ABLIM2: variants seen among roughly 807,000 people sequenced by gnomAD.
The protein encoded by ABLIM2 is actin-binding LIM protein 2.
ABLIM2 carries 53 observed loss-of-function variants against 97.7 expected under a neutral mutation model. That is an observed-to-expected ratio of 0.54 (90% CI 0.44 to 0.68). The LOEUF is 0.68. Ranked by LOEUF, ABLIM2 falls within the 30% of genes least tolerant of loss-of-function variation. The pLI, the probability that ABLIM2 is intolerant of heterozygous loss-of-function variation, is 0.00. For synonymous variants in ABLIM2, 361 were observed against 345.8 expected (o/e 1.04, Z -0.49); for missense variants, 835 against 867.2 (o/e 0.96, Z 0.47).
chr4:8,007,762 C>T (rs1440026161), intron 16 of ABLIM2: 5 of 1,167,498 alleles, frequency 4.3e-6, no homozygotes, highest in Non-Finnish European at 5.3e-6. Context: ...CGCCTTTCTC[C>T]TAAACAGCCC....
intron 1 of ABLIM2, among the ~76,000 whole-genome samples, chr4:8,153,220 G>T (rs979835251): frequency 6.6e-6 from 1 of 152,136 alleles, no homozygotes; most frequent in Non-Finnish European, 1.5e-5. Context: ...CCAGGGTGCG[G>T]GCCAGGCAGC....
At position 8,150,399 on chromosome 4, in the gene ABLIM2, T is replaced by G. The variant is rs571781902; in HGVS notation, c.10+8281A>C. On this transcript the variant is annotated intron_variant, in intron 1 of 20. Transcript: ENST00000447017. The surrounding 1 kb of genome is among the most constrained non-coding windows in gnomAD (Gnocchi z 6.3). ...AATGCCTCCTCTCATTCTACCTGAG[T>G]GGCTTTCAGGGGAGCCAGTACAAGG... 2.6e-5 allele frequency among the ~76,000 whole-genome samples: 4 copies of G among 152,246 alleles called. No individual in the cohort carries two copies. In the East Asian group the frequency reaches 7.7e-4, roughly 29 times the overall value.
rs1433735449 is a variant in ABLIM2, at chr4:8,130,366, T to G, written c.11-23729A>C. On this transcript the variant is annotated intron_variant, in intron 1 of 20. Coordinates refer to ENST00000447017, the MANE Select transcript of ABLIM2 (RefSeq NM_001130083.2). This position sits in a 1 kb window ranked among gnomAD's most constrained non-coding sequence, Gnocchi z 4.2. ...CTCTGTAATGTTCAGGAGAGGGCCA[T>G]GTGGAGAGGTTGGCCTTCTGAGTCC... Among the ~76,000 whole-genome samples, 1 of 152,146 alleles carries G rather than the reference T, an allele frequency of 6.6e-6. No individual in the cohort carries two copies.
Position 8,128,927 on chromosome 4 carries a change from C to T in ABLIM2, c.11-22290G>A, listed in dbSNP as rs1459277512. Among the ~76,000 whole-genome samples, 1 of 152,186 alleles carries T rather than the reference C, an allele frequency of 6.6e-6. No homozygotes were observed. Among genetic ancestry groups the T allele is most frequent in the African/African-American group, 2.4e-5 (1 of 41,458 alleles). On this transcript the variant is annotated intron_variant, in intron 1 of 20. Transcript: ENST00000447017. The surrounding 1 kb of genome is among the most constrained non-coding windows in gnomAD (Gnocchi z 4.9). The stretch of plus-strand genomic sequence containing the variant: ...TGCTGGCACTCTGATCTTGGACTTC[C>T]AGCCTCCAGAACTGAGAAAAATAAA...
chr4:8,009,308 G>A (rs989968423), intron 14 of ABLIM2, among the ~76,000 whole-genome samples: 1 of 152,170 alleles, frequency 6.6e-6, no homozygotes, highest in Non-Finnish European at 1.5e-5. Flanking sequence ...CAGCAGCAGG[G>A]GTGTGAAGTG....
At chr4:8,007,692 G>T (rs1390469217) in intron 16 of ABLIM2, 1 of 1,034,390 alleles carries the variant, frequency 9.7e-7, no homozygotes, top group South Asian at 4.1e-5. Context: ...CTCATCAGCC[G>T]GACCATGCCC....
chr4:8,071,693 A>ACCCCCC lies in ABLIM2; in HGVS notation c.675+5934_675+5935insGGGGGG. ...ACACCTGACTGCTCTGTCCCCAAAA[A>ACCCCCC]CCCACCCACCCGCAGCCCCTCCTGG... On this transcript the variant is annotated intron_variant, in intron 6 of 20. Transcript: ENST00000447017. This position sits in a 1 kb window ranked among gnomAD's most constrained non-coding sequence, Gnocchi z 6.2. 4.9e-6 allele frequency: 4 copies of ACCCCCC among 819,830 alleles called. No homozygotes were observed. The highest frequency in any genetic ancestry group is 1.3e-4 in the East Asian group (1 of 7,960). 50.8% of individuals were successfully genotyped at this position (819,830 alleles called of 1,614,324 possible).
rs1241315474 is a variant in ABLIM2 at position 8,132,450 on chromosome 4, C to A, written c.11-25813G>T. ...TTGTAAAACTTAGGTTTAGAGGGAT[C>A]TGAGACCATCCAGTCCCTGGAGAAG... On this transcript the variant is annotated intron_variant, in intron 1 of 20. Coordinates refer to ENST00000447017, the MANE Select transcript of ABLIM2 (RefSeq NM_001130083.2). This position sits in a 1 kb window ranked among gnomAD's most constrained non-coding sequence, Gnocchi z 8.0. 6.6e-6 allele frequency among the ~76,000 whole-genome samples: 1 copy of A among 152,292 alleles called. No homozygotes were observed. The highest frequency in any genetic ancestry group is 1.5e-5 in the Non-Finnish European group (1 of 68,010).
intron 8 of ABLIM2, among the ~76,000 whole-genome samples, chr4:8,050,272 C>T (rs1020871966): frequency 6.6e-6 from 1 of 152,218 alleles, no homozygotes; most frequent in Non-Finnish European, 1.5e-5. Flanking sequence ...TACAGTTTCA[C>T]TCTTTCCGTG....
chr4:7,982,129 C>T (rs13109914), intron 20 of ABLIM2, among the ~76,000 whole-genome samples: 125 of 131,118 alleles, frequency 9.5e-4, no homozygotes, highest in African/African-American at 3.0e-3. Context: ...GCTGCATCCA[C>T]GCCCCTCCAA....
At position 8,127,342 on chromosome 4, in the gene ABLIM2, T is replaced by C. The variant is rs183526205; in HGVS notation, c.11-20705A>G. Among the ~76,000 whole-genome samples, 8 of 152,192 alleles carry C rather than the reference T, an allele frequency of 5.3e-5. No homozygotes were observed. The highest frequency in any genetic ancestry group is 1.9e-4 in the African/African-American group (8 of 41,532). On this transcript the variant is annotated intron_variant, in intron 1 of 20. Transcript: ENST00000447017. The surrounding 1 kb of genome is among the most constrained non-coding windows in gnomAD (Gnocchi z 7.3). The stretch of plus-strand genomic sequence containing the variant: ...CCCACAGTGCTGTCCATAGAGAGTG[T>C]CCCCGAAGCCTGCACCCACTGGCGC...
chr4:7,989,666 A>G (rs1462046712), intron 17 of ABLIM2, among the ~76,000 whole-genome samples: 1 of 152,228 alleles, frequency 6.6e-6, no homozygotes, highest in Non-Finnish European at 1.5e-5. Context: ...CTTTAAAAGT[A>G]GTTTTTAAGT....
In ABLIM2 at chr4:7,970,522, G is replaced by A. The variant is rs567035676; in HGVS notation, c.1825-3419C>T. ...CAGGCGTGCCCCGCATGCTGGGGAA[G>A]GAGAGAAGGGCAGGCTTGAGGATGA... On this transcript the variant is annotated intron_variant, in intron 20 of 20. Transcript: ENST00000447017. This position sits in a 1 kb window ranked among gnomAD's most constrained non-coding sequence, Gnocchi z 5.3. Among the ~76,000 whole-genome samples the A allele has an allele frequency of 3.3e-5, 5 of 151,986 alleles. No individual in the cohort carries two copies. The South Asian group carries it at 1.0e-3, about 32-fold the overall frequency.
intron 5 of ABLIM2, among the ~76,000 whole-genome samples, chr4:8,079,190 G>A (rs1203165902): frequency 6.6e-6 from 1 of 152,234 alleles, no homozygotes; most frequent in East Asian, 1.9e-4. Context: ...CATACAATGA[G>A]TCCTCAGGCT....
chr4:8,104,183 C>A (rs1836035169), intron 2 of ABLIM2, among the ~76,000 whole-genome samples: 3 of 152,222 alleles, frequency 2.0e-5, no homozygotes. Flanking sequence ...AGGTGGACCA[C>A]CTGCTTGTTT....
chr4:8,034,163 C>A (rs1021830734), intron 10 of ABLIM2, among the ~76,000 whole-genome samples: 1 of 152,188 alleles, frequency 6.6e-6, no homozygotes, highest in Non-Finnish European at 1.5e-5. Context: ...CGAGTCCTCA[C>A]GGACTCTCTT....
intron 6 of ABLIM2, among the ~76,000 whole-genome samples, chr4:8,076,458 C>G (rs1816069491): frequency 6.6e-6 from 1 of 152,118 alleles, no homozygotes; most frequent in Non-Finnish European, 1.5e-5. Flanking sequence ...CTCTAAAACT[C>G]CAATGTGGCC....
At chr4:8,092,184 G>T (rs1230749084) in intron 3 of ABLIM2, among the ~76,000 whole-genome samples, 1 of 151,542 alleles carries the variant, frequency 6.6e-6, no homozygotes, top group Non-Finnish European at 1.5e-5. Flanking sequence ...TTTTAGTAGA[G>T]ATGGGGTTTC....
At chr4:8,126,679 G>A (rs758156187) in intron 1 of ABLIM2, among the ~76,000 whole-genome samples, 11 of 152,070 alleles carry the variant, frequency 7.2e-5, no homozygotes, top group Non-Finnish European at 7.4e-5. Context: ...GTGCTACTGC[G>A]TGGTGTCCTG....
Sources: gnomAD v4.1 joint callset for allele counts (sites outside exome capture counted in the v4.1 genomes callset) on GRCh38, gnomAD v4.1.1 for gene constraint, Gnocchi (gnomAD v3.1) non-coding constraint, MANE v1.5 for transcripts, NCBI Gene and HGNC (gene_info 2026-07-23, HGNC 2026-07-21) for gene names.